The following POF1B variants were observed in gnomAD, a reference collection of about 807,000 sequenced individuals.
The protein encoded by POF1B is POF1B actin binding protein, also known as protein POF1B.
POF1B carries 53 observed loss-of-function variants against 55.3 expected under a neutral mutation model. The observed-to-expected ratio is 0.96, with a 90% CI of 0.77 to 1.20. The LOEUF (loss-of-function observed/expected upper bound fraction) is 1.20. POF1B is among the 50% of genes most tolerant of loss of function. The pLI is 0.00. For missense variants in POF1B, 478 were observed against 420.5 expected (o/e 1.14, Z -1.20); for synonymous variants, 188 against 148.3 (o/e 1.27, Z -1.95).
rs772782756 is a variant in POF1B, at chrX:85,300,176, A to C, written c.1649+3230T>G. ...ATTTGTTATATGTTCCTGGGAATCT[A>C]GAAAGCCACAGGCATGTGTAGGGCT... On this transcript the variant is annotated intron_variant, in intron 15 of 16. Transcript: ENST00000262753. 7.1e-5 allele frequency among the ~76,000 whole-genome samples: 8 copies of C among 112,232 alleles called. No individual in the cohort carries two copies. The East Asian group carries it at 2.2e-3, about 31-fold the overall frequency.
chrX:85,356,299 G>A (rs1435605338), intron 4 of POF1B, among the ~76,000 whole-genome samples: 1 of 104,882 alleles, frequency 9.5e-6, no homozygotes, highest in Non-Finnish European at 2.0e-5. Flanking sequence ...TCACACACTG[G>A]GGCCTGTTGT....
rs187309108 is a variant in POF1B at position 85,288,017 on chromosome X, G to C, written c.1650-5700C>G. 7.6e-3 allele frequency among the ~76,000 whole-genome samples: 847 copies of C among 111,690 alleles called. 4 individuals carry two copies. The highest frequency in any genetic ancestry group is 0.013 in the Non-Finnish European group (693 of 53,051). Reference sequence around the variant, plus strand: ...TCGGGTTTGGGATTTTAAGAATGGAGAAGTAAGGAGTTTGACAGACACTCT... The same window carrying C: ...TCGGGTTTGGGATTTTAAGAATGGACAAGTAAGGAGTTTGACAGACACTCT... On this transcript the variant is annotated intron_variant, in intron 15 of 16. Transcript: ENST00000262753.
chrX:85,277,467 G>A lies in POF1B; in HGVS notation c.*1954C>T. 1 of 110,507 alleles carries A rather than the reference G, an allele frequency of 9.0e-6. No individual in the cohort carries two copies. The highest frequency in any genetic ancestry group is 9.7e-5 in the Admixed American group (1 of 10,324). 9.1% of individuals were successfully genotyped at this position (110,507 alleles called of 1,213,427 possible). ...TACTCTTAGTTATTTGTACAATTAA[G>A]CTATTATTGACTATACTCACCCGGT... is the stretch of plus-strand genomic sequence containing the variant. On this transcript the variant is annotated 3_prime_UTR_variant, in exon 17 of 17. Transcript: ENST00000262753.
intron 15 of POF1B, among the ~76,000 whole-genome samples, chrX:85,291,082 T>C (rs1341948655): frequency 8.9e-6 from 1 of 112,116 alleles, no homozygotes; most frequent in African/African-American, 3.2e-5. Context: ...TACATTTAAG[T>C]CTTTAGTTCA....
At chrX:85,330,862 TA>T in intron 7 of POF1B, 86 bp downstream of exon 7, 1 of 947,798 alleles carries the variant, frequency 1.1e-6, no homozygotes. Flanking sequence ...GCTGTGAACC[TA>T]AAACTGAAGT....
chrX:85,301,889 T>C (rs1932467519), intron 15 of POF1B, among the ~76,000 whole-genome samples: 1 of 111,728 alleles, frequency 9.0e-6, no homozygotes, highest in Admixed American at 9.5e-5. Flanking sequence ...CAACCATGTG[T>C]GGTTTACAAG....
chrX:85,323,627 A>T (rs1463051258), intron 7 of POF1B, among the ~76,000 whole-genome samples: 1 of 110,587 alleles, frequency 9.0e-6, no homozygotes, highest in Admixed American at 9.6e-5. Flanking sequence ...AAAATAAAAA[A>T]AAATGTCTAT....
intron 6 of POF1B, among the ~76,000 whole-genome samples, chrX:85,337,605 A>G (rs899606974): frequency 3.6e-5 from 4 of 111,782 alleles, no homozygotes; most frequent in African/African-American, 1.3e-4. Flanking sequence ...TTTTCAACAC[A>G]TGTTGTCACT....
intron 16 of POF1B, among the ~76,000 whole-genome samples, chrX:85,281,055 G>A (rs374041491): frequency 6.3e-5 from 7 of 110,601 alleles, no homozygotes; most frequent in African/African-American, 2.0e-4. Flanking sequence ...GTACAAAATT[G>A]TTGCTGTAGA....
intron 14 of POF1B, among the ~76,000 whole-genome samples, chrX:85,303,832 T>A (rs957518059): frequency 9.0e-6 from 1 of 111,567 alleles, no homozygotes; most frequent in Non-Finnish European, 1.9e-5. Context: ...AGAAGAAAAG[T>A]ATTGAAACTT....
At chrX:85,305,470 T>C (rs963664217) in intron 13 of POF1B, among the ~76,000 whole-genome samples, 4 of 110,927 alleles carry the variant, frequency 3.6e-5, no homozygotes, top group Non-Finnish European at 7.6e-5. Flanking sequence ...TATATTGCTT[T>C]TGCCTACATA....
rs756693918 is a variant in POF1B, at chrX:85,379,214, T to G, written c.241A>C (p.Thr81Pro). The G allele has an allele frequency of 1.7e-6, 2 of 1,210,081 alleles. No homozygotes were observed. The highest frequency in any genetic ancestry group is 2.2e-6 in the Non-Finnish European group (2 of 894,974). The part of the protein sequence containing the change: ...SREVLSPLKT[T>P]SSYQNLVWSD... ...CAAACCAAATTTTGGTAGGAGGAGG[T>G]GGTTTTGAGAGGGGAGAGCACTTCC... is the stretch of plus-strand genomic sequence containing the variant. The change falls in exon 2 of 17, where the codon ACC becomes CCC. Residue 81 changes from threonine (T) to proline (P), a missense_variant. Thr to Pro is a conservative substitution (Grantham distance 38). Transcript: ENST00000262753.
At chrX:85,323,784 A>G (rs1286920194) in intron 7 of POF1B, among the ~76,000 whole-genome samples, 1 of 109,820 alleles carries the variant, frequency 9.1e-6, no homozygotes, top group East Asian at 2.9e-4. Flanking sequence ...TCTTGTTTCT[A>G]TAGTTCCTCT....
At chrX:85,281,205 C>T (rs1049859034) in intron 16 of POF1B, among the ~76,000 whole-genome samples, 3 of 107,415 alleles carry the variant, frequency 2.8e-5, no homozygotes, top group Admixed American at 1.0e-4. Flanking sequence ...CTGTTATTAC[C>T]TCCTAAACAA....
chrX:85,279,465 ATAAT>A (rs764597122), intron 16 of POF1B, 39 bp from the exon 17 acceptor site: 2 of 1,138,369 alleles, frequency 1.8e-6, no homozygotes, highest in Non-Finnish European at 2.4e-6. Context: ...CAACTGGTTC[ATAAT>A]TAAAGTCATT....
intron 2 of POF1B, among the ~76,000 whole-genome samples, chrX:85,371,580 A>G (rs776124181): frequency 9.0e-6 from 1 of 111,310 alleles, no homozygotes; most frequent in East Asian, 2.8e-4. Flanking sequence ...CTTAATCACC[A>G]TATTTTGCCA....
At chrX:85,369,985 C>A in intron 2 of POF1B, among the ~76,000 whole-genome samples, 1 of 111,778 alleles carries the variant, frequency 8.9e-6, no homozygotes, top group Non-Finnish European at 1.9e-5. Context: ...GAAATGATAG[C>A]TCTGTCCTTC....
intron 9 of POF1B, among the ~76,000 whole-genome samples, chrX:85,310,109 G>A (rs1190830854): frequency 4.5e-5 from 5 of 111,949 alleles, no homozygotes; most frequent in Non-Finnish European, 9.4e-5. Context: ...GCTCAATCCT[G>A]CTTAGCTTCT....
At chrX:85,297,213 T>C (rs1365753585) in intron 15 of POF1B, among the ~76,000 whole-genome samples, 1 of 112,208 alleles carries the variant, frequency 8.9e-6, no homozygotes, top group Non-Finnish European at 1.9e-5. Context: ...CTGAACTTTA[T>C]GGCTTTCATT....
Sources: gnomAD v4.1 joint callset for allele counts (sites outside exome capture counted in the v4.1 genomes callset) on GRCh38, gnomAD v4.1.1 for gene constraint, MANE v1.5 for transcripts, NCBI Gene and HGNC (gene_info 2026-07-23, HGNC 2026-07-21) for gene names.